FAM117B: variants seen among roughly 807,000 people sequenced by gnomAD.
The protein encoded by FAM117B is family with sequence similarity 117 member B.
Under a neutral mutation model 52.8 loss-of-function variants are expected in FAM117B, and 22 were observed. The observed-to-expected ratio is 0.42, with a 90% CI of 0.30 to 0.59. The LOEUF (loss-of-function observed/expected upper bound fraction) is 0.59, where lower values mean the gene tolerates loss of function less well. Among genes scored for constraint, FAM117B ranks in the 20% least tolerant of loss-of-function variants. The pLI, the probability that FAM117B is intolerant of heterozygous loss-of-function variation, is 0.22. For synonymous variants in FAM117B, 309 were observed against 324.1 expected (o/e 0.95, Z 0.50); for missense variants, 678 against 802.6 (o/e 0.84, Z 1.88).
chr2:202,693,722 T>TTAGA (rs779421360), intron 1 of FAM117B, among the ~76,000 whole-genome samples: 98 of 152,368 alleles, frequency 6.4e-4, no homozygotes, highest in Non-Finnish European at 1.3e-3. Flanking sequence ...GAATGAGTCT[T>TTAGA]TAGATCAGGA....
intron 2 of FAM117B, among the ~76,000 whole-genome samples, chr2:202,719,156 T>G (rs1204919988): frequency 1.3e-5 from 2 of 152,226 alleles, no homozygotes; most frequent in African/African-American, 4.8e-5. Context: ...AGAAAGCAAT[T>G]GTCTTTTACA....
chr2:202,678,705 C>T (rs1035371364), intron 1 of FAM117B, among the ~76,000 whole-genome samples: 6 of 152,140 alleles, frequency 3.9e-5, no homozygotes, highest in South Asian at 2.1e-4. Context: ...TACAGGCATG[C>T]GCCACCACGC....
intron 1 of FAM117B, among the ~76,000 whole-genome samples, chr2:202,656,318 ATCT>A (rs1267865699): frequency 5.3e-5 from 8 of 151,888 alleles, no homozygotes; most frequent in Admixed American, 6.6e-5. Context: ...CTGATTTGAA[ATCT>A]TCTTTTTCTA....
chr2:202,696,055 C>T, intron 2 of FAM117B, 23 bp downstream of exon 2: 3 of 1,605,746 alleles, frequency 1.9e-6, no homozygotes, highest in Non-Finnish European at 2.6e-6. Flanking sequence ...TAGTTCTTAT[C>T]CTGAAGTGTT....
intron 2 of FAM117B, among the ~76,000 whole-genome samples, chr2:202,716,733 C>T (rs1033078542): frequency 2.0e-5 from 3 of 152,052 alleles, no homozygotes; most frequent in African/African-American, 7.2e-5. Context: ...TCTTCTGAGT[C>T]TGTGTTTTCA....
chr2:202,642,479 T>A, intron 1 of FAM117B, among the ~76,000 whole-genome samples: 1 of 151,676 alleles, frequency 6.6e-6, no homozygotes, highest in South Asian at 2.1e-4. Flanking sequence ...AAAGACTGAT[T>A]TGGCAAACTG....
At chr2:202,762,670 T>C (rs773131094) in intron 7 of FAM117B, among the ~76,000 whole-genome samples, 66 of 152,176 alleles carry the variant, frequency 4.3e-4, no homozygotes, top group Non-Finnish European at 6.3e-4. Flanking sequence ...TCTCCTAGCA[T>C]ATGTGTAGGT....
At chr2:202,699,203 G>T (rs1379955785) in intron 2 of FAM117B, among the ~76,000 whole-genome samples, 1 of 151,908 alleles carries the variant, frequency 6.6e-6, no homozygotes, top group Non-Finnish European at 1.5e-5. Context: ...GAGGTGGGCG[G>T]ATCACCTGAG....
chr2:202,751,690 T>G (rs1162389910), intron 4 of FAM117B, among the ~76,000 whole-genome samples: 1 of 149,496 alleles, frequency 6.7e-6, no homozygotes, highest in Non-Finnish European at 1.5e-5. Context: ...AAGAATCACT[T>G]GAACCCGGGA....
At chr2:202,753,708 A>T (rs1054286572) in intron 4 of FAM117B, among the ~76,000 whole-genome samples, 1 of 152,184 alleles carries the variant, frequency 6.6e-6, no homozygotes. Flanking sequence ...AAGGATATGA[A>T]CAGACTCTTC....
Position 202,666,987 on chromosome 2 carries a change from G to C in FAM117B, c.602-28894G>C, listed in dbSNP as rs118002473. Among the ~76,000 whole-genome samples the C allele has an allele frequency of 4.0e-3, 613 of 151,910 alleles. 14 individuals carry two copies. The highest frequency in any genetic ancestry group is 0.028 in the Admixed American group (425 of 15,238). On this transcript the variant is annotated intron_variant, in intron 1 of 7. Coordinates refer to ENST00000392238, the MANE Select transcript of FAM117B (RefSeq NM_173511.4). ...TAATAAAAATGCAGATCGAAAATCT[G>C]TGTTGTAGCAGTGATTTAAAATAAA...
At chr2:202,650,667 T>C in intron 1 of FAM117B, among the ~76,000 whole-genome samples, 1 of 152,216 alleles carries the variant, frequency 6.6e-6, no homozygotes, top group Admixed American at 6.5e-5. Flanking sequence ...GCCTTCAGTC[T>C]GTGGCAAAGG....
rs369216430 is a variant in FAM117B at position 202,641,350 on chromosome 2, C to T, written c.601+5562C>T. Among the ~76,000 whole-genome samples, 29 of 152,008 alleles carry T rather than the reference C, an allele frequency of 1.9e-4. No homozygotes were observed. In the South Asian group the frequency reaches 5.8e-3, roughly 30 times the overall value. The stretch of plus-strand genomic sequence containing the variant: ...TAATAGGGTGTTGGGATGGGGAGAG[C>T]GGAAATAGTAGAGAAAGAAGGGAGA... On this transcript the variant is annotated intron_variant, in intron 1 of 7. Coordinates refer to ENST00000392238, the MANE Select transcript of FAM117B (RefSeq NM_173511.4).
intron 1 of FAM117B, among the ~76,000 whole-genome samples, chr2:202,669,243 T>C (rs1467190263): frequency 1.3e-5 from 2 of 152,118 alleles, no homozygotes; most frequent in Admixed American, 6.6e-5. Flanking sequence ...TATTGGAGAT[T>C]TCAAAATAAG....
Position 202,767,659 on chromosome 2 carries a change from A to G in FAM117B, c.*1895A>G, listed in dbSNP as rs1056892758. ...ATGTCAGCTTACCCAGACATATTCT[A>G]TCAAGGAAAACCTAGTGGTAGCAAT... On this transcript the variant is annotated 3_prime_UTR_variant, in exon 8 of 8. Coordinates refer to ENST00000392238, the MANE Select transcript of FAM117B (RefSeq NM_173511.4). 4 of 152,218 alleles carry G rather than the reference A, an allele frequency of 2.6e-5. No homozygotes were observed. The highest frequency in any genetic ancestry group is 9.6e-5 in the African/African-American group (4 of 41,460). 9.4% of individuals were successfully genotyped at this position (152,218 alleles called of 1,614,324 possible). A position where few individuals can be genotyped will look rare whatever the true frequency, so the allele number is the denominator to read the frequency against.
chr2:202,763,777 G>A (rs1241727875), intron 7 of FAM117B, among the ~76,000 whole-genome samples: 1 of 152,116 alleles, frequency 6.6e-6, no homozygotes, highest in Non-Finnish European at 1.5e-5. Context: ...GCTCTCCATA[G>A]TGTTCACTGT....
chr2:202,667,041 T>C (rs1368299680), intron 1 of FAM117B, among the ~76,000 whole-genome samples: 1 of 152,154 alleles, frequency 6.6e-6, no homozygotes, highest in African/African-American at 2.4e-5. Flanking sequence ...AGTTTAAAAA[T>C]AGAGTAAAAA....
At chr2:202,729,686 A>G (rs1691309531) in intron 4 of FAM117B, among the ~76,000 whole-genome samples, 3 of 152,208 alleles carry the variant, frequency 2.0e-5, no homozygotes, top group African/African-American at 7.2e-5. Context: ...GGAGTCATCT[A>G]GAAAGACGTC....
In FAM117B at chr2:202,688,621, A is replaced by G. The variant is rs563185553; in HGVS notation, c.602-7260A>G. Among the ~76,000 whole-genome samples, 10 of 152,278 alleles carry G rather than the reference A, an allele frequency of 6.6e-5. No individual in the cohort carries two copies. In the East Asian group the frequency reaches 1.9e-3, roughly 29 times the overall value. ...AATATTTTTGAAATATTGTTAATAT[A>G]TAAAAGAAATATAAATTACCAGTAA... On this transcript the variant is annotated intron_variant, in intron 1 of 7. Coordinates refer to ENST00000392238, the MANE Select transcript of FAM117B (RefSeq NM_173511.4).
Sources: gnomAD v4.1 joint callset for allele counts (sites outside exome capture counted in the v4.1 genomes callset) on GRCh38, gnomAD v4.1.1 for gene constraint, MANE v1.5 for transcripts, NCBI Gene and HGNC (gene_info 2026-07-23, HGNC 2026-07-21) for gene names.